Variants in ERI1 observed in about 807,000 individuals in gnomAD.
ERI1 encodes the protein 3'-5' exoribonuclease 1.
ERI1 carries 39 observed loss-of-function variants against 39.7 expected under a neutral mutation model. The observed-to-expected ratio is 0.98, with a 90% CI of 0.76 to 1.28. The LOEUF (loss-of-function observed/expected upper bound fraction) is 1.28, where lower values mean the gene tolerates loss of function less well. Among genes scored for constraint, ERI1 ranks in the 50% most tolerant of loss-of-function variants. The pLI is 0.00. For missense variants in ERI1, 581 were observed against 416.9 expected (o/e 1.39, Z -3.43); for synonymous variants, 204 against 149.6 (o/e 1.36, Z -2.65).
chr8:9,044,036 TG>T (rs989883943), intron 3 of ERI1, among the ~76,000 whole-genome samples: 21 of 152,276 alleles, frequency 1.4e-4, no homozygotes, highest in African/African-American at 4.6e-4. Context: ...TTACTGGTGG[TG>T]GGACCTCAGC....
intron 3 of ERI1, among the ~76,000 whole-genome samples, chr8:9,080,085 A>T (rs1228848364): frequency 6.6e-6 from 1 of 151,512 alleles, no homozygotes; most frequent in Non-Finnish European, 1.5e-5. Flanking sequence ...CTGATTAGTG[A>T]TTGGCTGTAC....
rs1451584330 is a variant in ERI1, at chr8:9,028,450, T to C, written c.808-1342T>C. 2.0e-5 allele frequency among the ~76,000 whole-genome samples: 3 copies of C among 152,322 alleles called. No homozygotes were observed. In the East Asian group the frequency reaches 5.8e-4, roughly 29 times the overall value. ...CAGCTTAAGATAATTATAGGTGTTTTACATCATTTGCTTTGTGATTATCCC... is the reference window on the plus strand; with the variant it reads ...CAGCTTAAGATAATTATAGGTGTTTCACATCATTTGCTTTGTGATTATCCC... On this transcript the variant is annotated intron_variant, in intron 6 of 6. Transcript: ENST00000250263.
intron 3 of ERI1, among the ~76,000 whole-genome samples, chr8:9,015,251 A>G (rs1270686831): frequency 6.6e-6 from 1 of 152,214 alleles, no homozygotes; most frequent in African/African-American, 2.4e-5. Context: ...AGGAAATACA[A>G]ACTTTTCTTA....
At chr8:9,026,227 C>T (rs1205220383) in intron 6 of ERI1, among the ~76,000 whole-genome samples, 4 of 152,068 alleles carry the variant, frequency 2.6e-5, no homozygotes, top group African/African-American at 9.7e-5. Flanking sequence ...TTAGGAATGC[C>T]CACCCTGTAT....
intron 3 of ERI1, among the ~76,000 whole-genome samples, chr8:9,053,452 G>A (rs1798418361): frequency 6.6e-6 from 1 of 152,144 alleles, no homozygotes; most frequent in Non-Finnish European, 1.5e-5. Context: ...AGAGGGAATG[G>A]AAGCTCCACA....
intron 3 of ERI1, among the ~76,000 whole-genome samples, chr8:9,090,778 A>C (rs1014212091): frequency 5.9e-5 from 9 of 152,190 alleles, no homozygotes; most frequent in Non-Finnish European, 1.2e-4. Flanking sequence ...AAGATCAAAA[A>C]ACAACAACAA....
chr8:9,021,059 T>G (rs954803355), intron 6 of ERI1, among the ~76,000 whole-genome samples: 3 of 152,198 alleles, frequency 2.0e-5, no homozygotes, highest in African/African-American at 7.2e-5. Flanking sequence ...TTACCACTCC[T>G]GCTTGTCCTT....
In ERI1 at chr8:9,089,815, G is replaced by C. The variant is rs369390185; in HGVS notation, n.300-26533G>C. On this transcript the variant is annotated intron_variant and non_coding_transcript_variant, in intron 3 of 3. Transcript: ENST00000518663. Reference sequence around the variant, plus strand: ...GTGGCAGAGTCCGCTTAGCTTTTCAGTGAAGAAATGAAAGGTGTGGCAGGA... The same window carrying C: ...GTGGCAGAGTCCGCTTAGCTTTTCACTGAAGAAATGAAAGGTGTGGCAGGA... 1.1e-3 allele frequency among the ~76,000 whole-genome samples: 171 copies of C among 152,304 alleles called. 2 individuals are homozygous for C. Among genetic ancestry groups the C allele is most frequent in the African/African-American group, 3.9e-3 (163 of 41,568 alleles).
Position 9,063,418 on chromosome 8 carries a change from T to A in ERI1, n.299+42954T>A, listed in dbSNP as rs556205025. On this transcript the variant is annotated intron_variant and non_coding_transcript_variant, in intron 3 of 3. Transcript: ENST00000518663. ...AGGTGGGGGAGGGCTAGTCATGGAA[T>A]GAAACTGTAAGCCAGACCGGGTGTG... Among the ~76,000 whole-genome samples, 122 of 152,174 alleles carry A rather than the reference T, an allele frequency of 8.0e-4. 1 individual carries two copies. Among genetic ancestry groups the A allele is most frequent in the Non-Finnish European group, 7.4e-4 (50 of 68,002 alleles).
In ERI1 at chr8:9,068,185, T is replaced by G. The variant is rs184151156; in HGVS notation, n.299+47721T>G. ...ATTTTTTCAGATATATCTAAAATAGTATTATATACAATTGACCTGAGACTG... is the reference window on the plus strand; with the variant it reads ...ATTTTTTCAGATATATCTAAAATAGGATTATATACAATTGACCTGAGACTG... On this transcript the variant is annotated intron_variant and non_coding_transcript_variant, in intron 3 of 3. Coordinates refer to the ERI1 transcript ENST00000518663. Among the ~76,000 whole-genome samples the G allele has an allele frequency of 1.4e-4, 21 of 152,328 alleles. No homozygotes were observed. In the East Asian group the frequency reaches 4.0e-3, roughly 29 times the overall value.
Position 9,070,049 on chromosome 8 carries a change from G to A in ERI1, n.300-46299G>A, listed in dbSNP as rs368261077. On this transcript the variant is annotated intron_variant and non_coding_transcript_variant, in intron 3 of 3. Coordinates refer to the ERI1 transcript ENST00000518663. ...AGGTCAGGAGTTTGAGACTAGCCTG[G>A]TTAACATGGTGAAACCCTGCCTCTA... is the stretch of plus-strand genomic sequence containing the variant. Among the ~76,000 whole-genome samples, 17 of 152,142 alleles carry A rather than the reference G, an allele frequency of 1.1e-4. No homozygotes were observed. In the East Asian group the frequency reaches 3.3e-3, roughly 29 times the overall value.
chr8:9,046,055 T>TA (rs1798166120), intron 3 of ERI1, among the ~76,000 whole-genome samples: 1 of 152,116 alleles, frequency 6.6e-6, no homozygotes, highest in Non-Finnish European at 1.5e-5. Flanking sequence ...GGGCCTGTGT[T>TA]AAAGAAAATT....
chr8:9,046,758 C>G (rs146653350), intron 3 of ERI1, among the ~76,000 whole-genome samples: 11 of 152,302 alleles, frequency 7.2e-5, no homozygotes, highest in Non-Finnish European at 1.5e-4. Flanking sequence ...AAGAGAAATT[C>G]AAGATGCTGT....
chr8:9,094,958 T>C (rs1293321761), intron 3 of ERI1, among the ~76,000 whole-genome samples: 1 of 151,974 alleles, frequency 6.6e-6, no homozygotes, highest in Non-Finnish European at 1.5e-5. Context: ...AGATAATTAA[T>C]TCTCAGCTTA....
At chr8:9,098,327 C>A (rs1037535541) in intron 3 of ERI1, among the ~76,000 whole-genome samples, 23 of 152,330 alleles carry the variant, frequency 1.5e-4, no homozygotes, top group African/African-American at 5.1e-4. Flanking sequence ...TGAGACCAGC[C>A]TGGCCAACAT....
chr8:9,082,632 C>T (rs1301783072), intron 3 of ERI1, among the ~76,000 whole-genome samples: 1 of 152,196 alleles, frequency 6.6e-6, no homozygotes, highest in Admixed American at 6.5e-5. Context: ...GGACCTACAT[C>T]TGGGCTCCTC....
chr8:9,057,209 A>G (rs540733337), intron 3 of ERI1, among the ~76,000 whole-genome samples: 2 of 152,150 alleles, frequency 1.3e-5, no homozygotes, highest in Non-Finnish European at 2.9e-5. Context: ...TGGTGGTGCA[A>G]TCACTGCTCA....
At chr8:9,035,232 T>G (rs1475900622), downstream of ERI1, among the ~76,000 whole-genome samples, 1 of 152,106 alleles carries the variant, frequency 6.6e-6, no homozygotes, top group Non-Finnish European at 1.5e-5. Context: ...AGATAACTAA[T>G]GAAGGTGGCC....
chr8:9,042,487 T>C (rs1798057780), intron 3 of ERI1, among the ~76,000 whole-genome samples: 1 of 152,294 alleles, frequency 6.6e-6, no homozygotes, highest in South Asian at 2.1e-4. Context: ...AGCCTACTCT[T>C]GTGTCACTCA....
Sources: allele counts gnomAD v4.1 joint callset (sites outside exome capture counted in the v4.1 genomes callset), GRCh38; gene constraint gnomAD v4.1.1; transcripts MANE v1.5; gene names NCBI Gene and HGNC (gene_info 2026-07-23, HGNC 2026-07-21).